The following MANBAL variants were observed in gnomAD, a reference collection of about 807,000 sequenced individuals.
The protein encoded by MANBAL is mannosidase beta like, also known as protein MANBAL.
Under a neutral mutation model 6.4 loss-of-function variants are expected in MANBAL, and 1 was observed. That is an observed-to-expected ratio of 0.16 (90% CI 0.06 to 0.74). MANBAL has a LOEUF of 0.74. Ranked by LOEUF, MANBAL falls within the 30% of genes least tolerant of loss-of-function variation. The pLI is 0.78. For synonymous variants in MANBAL, 47 were observed against 45.8 expected, an observed-to-expected ratio of 1.03 and a Z score of -0.10; for missense variants, 100 against 107.8, an observed-to-expected ratio of 0.93 and a Z score of 0.32.
rs1361835378 is a variant in MANBAL at position 37,301,426 on chromosome 20, C to T, written c.150+13C>T. 1 of 1,608,174 alleles carries T rather than the reference C, an allele frequency of 6.2e-7. No homozygotes were observed. Among genetic ancestry groups the T allele is most frequent in the African/African-American group, 1.3e-5 (1 of 74,704 alleles). On this transcript the variant is annotated intron_variant, in intron 2 of 2. Coordinates refer to ENST00000373606, the MANE Select transcript of MANBAL (RefSeq NM_001003897.2). The stretch of plus-strand genomic sequence containing the variant: ...GTCCCACGAGGCGGTGAGTTTTTCC[C>T]TGGGAGCCTCAGCTCCTCTGAGTGC...
At chr20:37,296,835 T>C (rs985250918) in intron 1 of MANBAL, 1 of 152,190 alleles carries the variant, frequency 6.6e-6, no homozygotes, top group African/African-American at 2.4e-5. Flanking sequence ...GAACATCCCG[T>C]CTCCAGAGGT....
chr20:37,298,501 G>C (rs1189685902), intron 1 of MANBAL, among the ~76,000 whole-genome samples: 1 of 152,110 alleles, frequency 6.6e-6, no homozygotes, highest in Admixed American at 6.6e-5. Context: ...TTGTCCTTTT[G>C]TGTCTAGCTT....
intron 2 of MANBAL, among the ~76,000 whole-genome samples, chr20:37,309,754 G>A (rs1014182575): frequency 6.6e-6 from 1 of 152,106 alleles, no homozygotes; most frequent in Admixed American, 6.6e-5. Flanking sequence ...TTTGCACAAG[G>A]GTCTTGATTT....
chr20:37,300,404 C>G (rs2069107154), intron 1 of MANBAL, among the ~76,000 whole-genome samples: 2 of 152,164 alleles, frequency 1.3e-5, no homozygotes, highest in Non-Finnish European at 2.9e-5. Context: ...GCCTTCTCAT[C>G]ACAAAATAAA....
intron 2 of MANBAL, among the ~76,000 whole-genome samples, chr20:37,313,244 G>A (rs961717031): frequency 5.9e-5 from 9 of 152,192 alleles, no homozygotes; most frequent in African/African-American, 1.9e-4. Flanking sequence ...AGTAGCGGGT[G>A]CCTGTAGCCC....
At chr20:37,300,488 C>T (rs898160075) in intron 1 of MANBAL, among the ~76,000 whole-genome samples, 20 of 152,196 alleles carry the variant, frequency 1.3e-4, no homozygotes, top group African/African-American at 4.8e-4. Context: ...TCATTGTCTG[C>T]TTCCATCCTG....
At chr20:37,293,858 C>A (rs1325545417) in intron 1 of MANBAL, among the ~76,000 whole-genome samples, 2 of 152,218 alleles carry the variant, frequency 1.3e-5, no homozygotes, top group African/African-American at 4.8e-5. Flanking sequence ...GCACCCTATT[C>A]CCCCACTACC....
intron 2 of MANBAL, among the ~76,000 whole-genome samples, chr20:37,311,352 G>A (rs564420420): frequency 2.6e-5 from 4 of 152,232 alleles, no homozygotes; most frequent in African/African-American, 4.8e-5. Flanking sequence ...CCAAGACCGA[G>A]CAAGAGGCCT....
intron 2 of MANBAL, among the ~76,000 whole-genome samples, chr20:37,310,217 A>G (rs1220310066): frequency 2.6e-5 from 4 of 152,192 alleles, no homozygotes; most frequent in African/African-American, 9.6e-5. Context: ...TTGAGTCCAC[A>G]TGGATGGCCT....
At chr20:37,300,191 G>A (rs1288462374) in intron 1 of MANBAL, among the ~76,000 whole-genome samples, 3 of 152,030 alleles carry the variant, frequency 2.0e-5, no homozygotes, top group Admixed American at 6.5e-5. Flanking sequence ...ATCAGGGTCC[G>A]CCCCCACTCC....
chr20:37,310,607 A>C (rs934761214), intron 2 of MANBAL, among the ~76,000 whole-genome samples: 1 of 152,210 alleles, frequency 6.6e-6, no homozygotes, highest in Non-Finnish European at 1.5e-5. Flanking sequence ...TGCACTTTTC[A>C]TGCTGGAAGG....
At chr20:37,315,655 GC>G (rs1407787648) in intron 2 of MANBAL, among the ~76,000 whole-genome samples, 2 of 152,330 alleles carry the variant, frequency 1.3e-5, no homozygotes, top group East Asian at 1.9e-4. Flanking sequence ...CTGGAATTCT[GC>G]CCCGAGGCTG....
intron 1 of MANBAL, among the ~76,000 whole-genome samples, chr20:37,294,153 GT>G (rs2068939249): frequency 6.6e-6 from 1 of 152,164 alleles, no homozygotes; most frequent in Non-Finnish European, 1.5e-5. Context: ...AGATTTTTGG[GT>G]TTTGACAAAT....
chr20:37,301,507 TCTACATTGGGC>T (rs1237508659), intron 2 of MANBAL, 94 bp downstream of exon 2: 8 of 1,375,498 alleles, frequency 5.8e-6, no homozygotes, highest in Non-Finnish European at 7.8e-6. Flanking sequence ...ATCAGCAGGG[TCTACATTGGGC>T]CTTTTTGATT....
intron 1 of MANBAL, among the ~76,000 whole-genome samples, chr20:37,297,795 A>G (rs944745334): frequency 1.3e-5 from 2 of 152,048 alleles, no homozygotes; most frequent in South Asian, 2.1e-4. Context: ...GGCACCTGCC[A>G]CCATGTCCGG....
At chr20:37,290,334 A>T (rs2068838118) in intron 1 of MANBAL, among the ~76,000 whole-genome samples, 1 of 152,186 alleles carries the variant, frequency 6.6e-6, no homozygotes, top group Admixed American at 6.5e-5. Context: ...GAGGTGGCTT[A>T]GCTTTGCATT....
intron 2 of MANBAL, among the ~76,000 whole-genome samples, chr20:37,314,803 A>G (rs1006970620): frequency 1.3e-5 from 2 of 152,186 alleles, no homozygotes; most frequent in Admixed American, 6.5e-5. Flanking sequence ...GGGAGCTGAC[A>G]GGCCTCTGGA....
intron 1 of MANBAL, 149 bp downstream of exon 1, chr20:37,289,835 G>T (rs1435209450): frequency 6.6e-6 from 1 of 152,400 alleles, no homozygotes; most frequent in South Asian, 2.1e-4. Flanking sequence ...CGTTCCCTCG[G>T]CGGTTGTTCG....
At position 37,316,817 on chromosome 20, in the gene MANBAL, GT is replaced by G; in HGVS notation, c.*403del. 1 of 181,498 alleles carries G rather than the reference GT, an allele frequency of 5.5e-6. No homozygotes were observed. The highest frequency in any genetic ancestry group is 1.1e-5 in the Non-Finnish European group (1 of 87,522). The allele number at this position is 181,498 out of a possible 1,614,324, so 11.2% of individuals were successfully genotyped here. A position where few individuals can be genotyped will look rare whatever the true frequency, so the allele number is the denominator to read the frequency against. ...ACAAGCACACCCTCTCCCATTATTT[GT>G]GCACTACAGATCTCCTCCTGATCAG... On this transcript the variant is annotated 3_prime_UTR_variant, in exon 3 of 3. Transcript: ENST00000373606.
Sources: gnomAD v4.1 joint callset for allele counts (sites outside exome capture counted in the v4.1 genomes callset) on GRCh38, gnomAD v4.1.1 for gene constraint, MANE v1.5 for transcripts, NCBI Gene and HGNC (gene_info 2026-07-23, HGNC 2026-07-21) for gene names.